The following SNX27 variants were observed in gnomAD, a reference collection of about 807,000 sequenced individuals.
SNX27 encodes sorting nexin 27.
A neutral mutation model predicts 71.6 loss-of-function variants in SNX27; 22 were observed. The ratio of observed to expected loss-of-function variants is 0.31; its 90% confidence interval spans 0.22 to 0.44. The LOEUF (loss-of-function observed/expected upper bound fraction) is 0.44. Among genes scored for constraint, SNX27 ranks in the 20% least tolerant of loss-of-function variants. The pLI, the probability that SNX27 is intolerant of heterozygous loss-of-function variation, is 1.00. For synonymous variants in SNX27, 269 were observed against 277.2 expected (o/e 0.97, Z 0.29); for missense variants, 531 against 698.6 (o/e 0.76, Z 2.70).
In SNX27 at chr1:151,697,128, A is replaced by G. The variant is rs1308355008; in HGVS notation, c.*2711A>G. On this transcript the variant is annotated 3_prime_UTR_variant, in exon 12 of 12. Transcript: ENST00000458013. ...TTGCAGAGGGATCCCTAATTTGAAGACTTTGACACAGAACTAACTTCTTTT... is the reference window on the plus strand; with the variant it reads ...TTGCAGAGGGATCCCTAATTTGAAGGCTTTGACACAGAACTAACTTCTTTT... The G allele has an allele frequency of 6.6e-6, 1 of 152,176 alleles. No homozygotes were observed. Among genetic ancestry groups the G allele is most frequent in the Non-Finnish European group, 1.5e-5 (1 of 68,038 alleles). The allele number at this position is 152,176 out of a possible 1,614,324, so 9.4% of individuals were successfully genotyped here.
At chr1:151,689,409 A>G (rs1671336859) in intron 8 of SNX27, among the ~76,000 whole-genome samples, 1 of 152,252 alleles carries the variant, frequency 6.6e-6, no homozygotes, top group South Asian at 2.1e-4. Flanking sequence ...GACCCCAGGT[A>G]GAATAACTTA....
Position 151,694,524 on chromosome 1 carries a change from T to A in SNX27, c.*107T>A. 1 of 1,178,308 alleles carries A rather than the reference T, an allele frequency of 8.5e-7. No homozygotes were observed. The highest frequency in any genetic ancestry group is 1.5e-5 in the South Asian group (1 of 66,104). The allele number at this position is 1,178,308 out of a possible 1,614,324, so 73.0% of individuals were successfully genotyped here. On this transcript the variant is annotated 3_prime_UTR_variant, in exon 12 of 12. Coordinates refer to ENST00000458013, the MANE Select transcript of SNX27 (RefSeq NM_001330723.2). Reference sequence around the variant, plus strand: ...CAAAAAAGAAGAGAAAAAGTTAAAGTCGTTATATTCAAAAGCCCTAAACTA... The same window carrying A: ...CAAAAAAGAAGAGAAAAAGTTAAAGACGTTATATTCAAAAGCCCTAAACTA...
In SNX27 at chr1:151,651,283, A is replaced by AC. The variant is rs557687435; in HGVS notation, c.544-6946dup. ...GGGCGGCTGGCCTGGCGGGAGGCTG[A>AC]CCCCCCTACCTCCCTCCCAGATGGG... On this transcript the variant is annotated intron_variant, in intron 2 of 11. Transcript: ENST00000458013. Among the ~76,000 whole-genome samples, 398 of 138,908 alleles carry AC rather than the reference A, an allele frequency of 2.9e-3. 3 individuals carry two copies. Among genetic ancestry groups the AC allele is most frequent in the African/African-American group, 0.01 (368 of 36,202 alleles). 91.1% of individuals were successfully genotyped at this position (138,908 alleles called of 152,430 possible). A position where few individuals can be genotyped will look rare whatever the true frequency, so the allele number is the denominator to read the frequency against.
chr1:151,675,765 C>A (rs1189073266), intron 7 of SNX27: 2 of 100,452 alleles, frequency 2.0e-5, no homozygotes, highest in Non-Finnish European at 4.2e-5. Flanking sequence ...GTCTGTCTTT[C>A]TTTCTTTCTT....
In SNX27 at chr1:151,612,186, C is replaced by T; in HGVS notation, c.-16C>T. On this transcript the variant is annotated 5_prime_UTR_variant, in exon 1 of 12. Coordinates refer to ENST00000458013, the MANE Select transcript of SNX27 (RefSeq NM_001330723.2). The surrounding 1 kb of genome is among the most constrained non-coding windows in gnomAD (Gnocchi z 5.2). ...GGAGGCGTAGGGGGCGGGGGTACGG[C>T]TCGCCTGCTCGCAAGATGGCGGACG... 5.2e-6 allele frequency: 7 copies of T among 1,335,732 alleles called. No homozygotes were observed. In the South Asian group the frequency reaches 1.3e-4, roughly 25 times the overall value. 82.7% of individuals were successfully genotyped at this position (1,335,732 alleles called of 1,614,324 possible).
intron 1 of SNX27, among the ~76,000 whole-genome samples, chr1:151,624,435 A>ATATT (rs1278815874): frequency 2.7e-5 from 3 of 109,976 alleles, no homozygotes; most frequent in African/African-American, 1.0e-4. Context: ...ATATATATGT[A>ATATT]TTTTTTTTTT....
At position 151,660,871 on chromosome 1, in the gene SNX27, A is replaced by G; in HGVS notation, c.801+9A>G. 1 of 1,599,820 alleles carries G rather than the reference A, an allele frequency of 6.3e-7. No individual in the cohort carries two copies. Among genetic ancestry groups the G allele is most frequent in the Non-Finnish European group, 8.6e-7 (1 of 1,167,080 alleles). ...TATCAGAATCCGATGAGGTAGGTGAATATCTCTTTTAGTGATTATTTTCCT... is the reference window on the plus strand; with the variant it reads ...TATCAGAATCCGATGAGGTAGGTGAGTATCTCTTTTAGTGATTATTTTCCT... On this transcript the variant is annotated intron_variant, in intron 4 of 11. Transcript: ENST00000458013.
At chr1:151,619,689 C>A (rs918767609) in intron 1 of SNX27, among the ~76,000 whole-genome samples, 1 of 152,122 alleles carries the variant, frequency 6.6e-6, no homozygotes, top group Non-Finnish European at 1.5e-5. Flanking sequence ...ATTAATTTCA[C>A]AACTCATTAG....
At chr1:151,663,125 C>G (rs1571840214) in intron 5 of SNX27, among the ~76,000 whole-genome samples, 1 of 151,396 alleles carries the variant, frequency 6.6e-6, no homozygotes, top group Non-Finnish European at 1.5e-5. Flanking sequence ...AAATCTGAAT[C>G]TAAACAAGGT....
At chr1:151,685,633 G>C (rs1227955975) in intron 8 of SNX27, 1 of 152,346 alleles carries the variant, frequency 6.6e-6, no homozygotes, top group Non-Finnish European at 1.5e-5. Flanking sequence ...AGTGAGCCGA[G>C]ATTGCAACAC....
Position 151,612,135 on chromosome 1 carries a change from A to T in SNX27, c.-67A>T. On this transcript the variant is annotated 5_prime_UTR_variant, in exon 1 of 12. Transcript: ENST00000458013. The surrounding 1 kb of genome is among the most constrained non-coding windows in gnomAD (Gnocchi z 5.2). ...GTCGGGGGTCGTCCGGCTGCCAGGCAGGGCGAGCACGCGCCGGGAGGCCTT... is the reference window on the plus strand; with the variant it reads ...GTCGGGGGTCGTCCGGCTGCCAGGCTGGGCGAGCACGCGCCGGGAGGCCTT... 3 of 1,272,132 alleles carry T rather than the reference A, an allele frequency of 2.4e-6. No individual in the cohort carries two copies. Among genetic ancestry groups the T allele is most frequent in the Non-Finnish European group, 3.0e-6 (3 of 1,006,812 alleles). The allele number at this position is 1,272,132 out of a possible 1,614,324, so 78.8% of individuals were successfully genotyped here.
chr1:151,686,973 C>T (rs1250336060), intron 8 of SNX27, among the ~76,000 whole-genome samples: 1 of 152,226 alleles, frequency 6.6e-6, no homozygotes, highest in Non-Finnish European at 1.5e-5. Context: ...TCTTCAAATA[C>T]AGAAGAGAGC....
rs1163910878 is a variant in SNX27 at position 151,660,874 on chromosome 1, T to C, written c.801+12T>C. The C allele has an allele frequency of 5.6e-6, 9 of 1,592,996 alleles. No individual in the cohort carries two copies. The highest frequency in any genetic ancestry group is 1.7e-5 in the Admixed American group (1 of 59,982). ...CAGAATCCGATGAGGTAGGTGAATA[T>C]CTCTTTTAGTGATTATTTTCCTTTT... On this transcript the variant is annotated intron_variant, in intron 4 of 11. Coordinates refer to ENST00000458013, the MANE Select transcript of SNX27 (RefSeq NM_001330723.2).
chr1:151,650,702 A>G (rs1198089056), intron 2 of SNX27, among the ~76,000 whole-genome samples: 1 of 152,006 alleles, frequency 6.6e-6, no homozygotes, highest in Non-Finnish European at 1.5e-5. Flanking sequence ...CAGCAGATAA[A>G]CAAGTGAACA....
intron 1 of SNX27, chr1:151,613,509 G>A (rs1236016231): frequency 1.3e-5 from 2 of 152,046 alleles, no homozygotes; most frequent in Non-Finnish European, 2.9e-5. Context: ...CTATCCTCCT[G>A]TGATCCCACA....
chr1:151,683,551 T>A, intron 8 of SNX27, 106 bp downstream of exon 8: 3 of 754,320 alleles, frequency 4.0e-6, no homozygotes, highest in Non-Finnish European at 6.3e-6. Flanking sequence ...GTGGCTTAAC[T>A]AATTTTAAAA....
At chr1:151,688,592 A>G (rs949788449) in intron 8 of SNX27, among the ~76,000 whole-genome samples, 1 of 150,142 alleles carries the variant, frequency 6.7e-6, no homozygotes, top group Non-Finnish European at 1.5e-5. Context: ...AGATCATGCC[A>G]CTGCACTCCA....
At chr1:151,665,877 C>A in intron 5 of SNX27, 56 bp from the exon 6 acceptor site, 5 of 1,446,008 alleles carry the variant, frequency 3.5e-6, no homozygotes, top group Non-Finnish European at 4.8e-6. Context: ...CTGCTTTTTC[C>A]TACAGCATTG....
chr1:151,641,876 TATATATATCAGCTATAGATATATATGAG>T (rs1558046977), intron 2 of SNX27, among the ~76,000 whole-genome samples: 5 of 139,146 alleles, frequency 3.6e-5, no homozygotes, highest in Non-Finnish European at 7.6e-5. Flanking sequence ...ATATATATGA[TATATATATCAGCTATAGATATATATGAG>T]ATATATATAT....
Sources: gnomAD v4.1 joint callset for allele counts (sites outside exome capture counted in the v4.1 genomes callset) on GRCh38, gnomAD v4.1.1 for gene constraint, Gnocchi (gnomAD v3.1) non-coding constraint, MANE v1.5 for transcripts, NCBI Gene and HGNC (gene_info 2026-07-23, HGNC 2026-07-21) for gene names.